Variants in THEMIS observed in about 807,000 individuals in gnomAD.
THEMIS encodes thymocyte selection associated.
Under a neutral mutation model 52.6 loss-of-function variants are expected in THEMIS, and 37 were observed. That is an observed-to-expected ratio of 0.70 (90% CI 0.54 to 0.93). The LOEUF (loss-of-function observed/expected upper bound fraction) is 0.93. Ranked by LOEUF, THEMIS falls within the 40% of genes least tolerant of loss-of-function variation. THEMIS has a pLI of 0.00. For missense variants in THEMIS, 808 were observed against 763.1 expected, an observed-to-expected ratio of 1.06 and a Z score of -0.69; for synonymous variants, 292 against 272.7, an observed-to-expected ratio of 1.07 and a Z score of -0.70.
chr6:127,718,044 T>A (rs1046762205), intron 5 of THEMIS, among the ~76,000 whole-genome samples: 1 of 151,474 alleles, frequency 6.6e-6, no homozygotes, highest in Non-Finnish European at 1.5e-5. Context: ...CCAGTGAGTC[T>A]TTTTTTTGGA....
At chr6:127,849,892 C>T (rs1238054224) in intron 2 of THEMIS, among the ~76,000 whole-genome samples, 2 of 151,922 alleles carry the variant, frequency 1.3e-5, no homozygotes, top group African/African-American at 4.8e-5. Context: ...TAAATGGGAC[C>T]TAATTAAACT....
intron 4 of THEMIS, among the ~76,000 whole-genome samples, chr6:127,792,882 C>A (rs1194927547): frequency 6.6e-6 from 1 of 152,190 alleles, no homozygotes; most frequent in Non-Finnish European, 1.5e-5. Flanking sequence ...TGAACAGGTA[C>A]ACTTTTTCCC....
chr6:127,760,364 G>A (rs1775981073), intron 4 of THEMIS, among the ~76,000 whole-genome samples: 1 of 151,890 alleles, frequency 6.6e-6, no homozygotes. Context: ...GACTATTCAT[G>A]GCCTTCATGG....
chr6:127,916,830 C>T (rs947379514), intron 1 of THEMIS, among the ~76,000 whole-genome samples: 4 of 152,130 alleles, frequency 2.6e-5, no homozygotes, highest in East Asian at 1.9e-4. Context: ...GAATTATTTC[C>T]GATTGCTTTG....
chr6:127,748,419 A>G (rs1365053970), intron 4 of THEMIS, among the ~76,000 whole-genome samples: 2 of 152,054 alleles, frequency 1.3e-5, no homozygotes, highest in Admixed American at 6.6e-5. Flanking sequence ...ACTTTATAAC[A>G]ATCCACTCTC....
In THEMIS at chr6:127,818,979, G is replaced by A. The variant is rs145011149; in HGVS notation, c.710-5048C>T. Among the ~76,000 whole-genome samples, 350 of 151,534 alleles carry A rather than the reference G, an allele frequency of 2.3e-3. 2 individuals carry two copies. The highest frequency in any genetic ancestry group is 2.3e-3 in the South Asian group (11 of 4,788). ...ATAAAAATACAAAAATTAGCCAGGC[G>A]CATGGTGGCATGCACCCGTAGTCCC... is the stretch of plus-strand genomic sequence containing the variant. On this transcript the variant is annotated intron_variant, in intron 3 of 5. Transcript: ENST00000368248.
intron 5 of THEMIS, among the ~76,000 whole-genome samples, chr6:127,713,269 T>G (rs914930973): frequency 6.6e-6 from 1 of 151,940 alleles, no homozygotes; most frequent in African/African-American, 2.4e-5. Flanking sequence ...TCATTTGAAG[T>G]GATTAAGTGA....
At chr6:127,834,485 G>A (rs1778809812) in intron 2 of THEMIS, among the ~76,000 whole-genome samples, 1 of 151,420 alleles carries the variant, frequency 6.6e-6, no homozygotes, top group Non-Finnish European at 1.5e-5. Context: ...TAAGAAGGCT[G>A]AGGTAGGAGA....
intron 3 of THEMIS, among the ~76,000 whole-genome samples, chr6:127,817,346 T>A (rs1402283495): frequency 3.9e-5 from 6 of 152,068 alleles, no homozygotes; most frequent in Admixed American, 3.3e-4. Flanking sequence ...GAAAAAAAAG[T>A]TTTCTATGTT....
intron 5 of THEMIS, among the ~76,000 whole-genome samples, chr6:127,716,298 A>G (rs1774157099): frequency 6.6e-6 from 1 of 151,910 alleles, no homozygotes; most frequent in Non-Finnish European, 1.5e-5. Context: ...TTAGCCAGGA[A>G]GATAACCGGA....
chr6:127,846,306 A>G (rs1189988072), intron 2 of THEMIS, among the ~76,000 whole-genome samples: 1 of 151,984 alleles, frequency 6.6e-6, no homozygotes, highest in Non-Finnish European at 1.5e-5. Flanking sequence ...TCAAACAAAA[A>G]TTATGAGAAG....
At chr6:127,781,134 A>G (rs986532678) in intron 4 of THEMIS, among the ~76,000 whole-genome samples, 4 of 151,450 alleles carry the variant, frequency 2.6e-5, no homozygotes, top group Non-Finnish European at 4.4e-5. Context: ...AGCTTATTTC[A>G]TTAAGTTAAT....
intron 2 of THEMIS, among the ~76,000 whole-genome samples, chr6:127,836,940 C>T (rs1778892048): frequency 6.6e-6 from 1 of 152,144 alleles, no homozygotes; most frequent in Admixed American, 6.6e-5. Flanking sequence ...GTGCAAGTAA[C>T]TCCTATGGAA....
chr6:127,915,594 G>A (rs1781507113), intron 1 of THEMIS, among the ~76,000 whole-genome samples: 1 of 149,352 alleles, frequency 6.7e-6, no homozygotes, highest in African/African-American at 2.4e-5. Context: ...GAAAGAGAGA[G>A]AGAGAGAGAG....
intron 4 of THEMIS, among the ~76,000 whole-genome samples, chr6:127,752,705 G>A (rs928238699): frequency 6.6e-6 from 1 of 151,606 alleles, no homozygotes. Context: ...ACAAAGAAAT[G>A]TCTAGGACCT....
intron 4 of THEMIS, among the ~76,000 whole-genome samples, chr6:127,766,016 G>A (rs537358412): frequency 6.6e-6 from 1 of 152,120 alleles, no homozygotes; most frequent in South Asian, 2.1e-4. Context: ...TTTATTGAGT[G>A]GCTAGTGGCT....
chr6:127,781,587 C>T (rs1227317603), intron 4 of THEMIS, among the ~76,000 whole-genome samples: 2 of 152,056 alleles, frequency 1.3e-5, no homozygotes, highest in Non-Finnish European at 2.9e-5. Flanking sequence ...GTCTGGACAT[C>T]CTTTTTCTTG....
chr6:127,907,222 G>A (rs1781293234), intron 1 of THEMIS, among the ~76,000 whole-genome samples: 1 of 151,430 alleles, frequency 6.6e-6, no homozygotes, highest in Non-Finnish European at 1.5e-5. Flanking sequence ...TGTGATTTTG[G>A]ATTAACCAAA....
the THEMIS span, among the ~76,000 whole-genome samples, chr6:127,702,394 G>A: frequency 6.6e-6 from 1 of 152,026 alleles, no homozygotes; most frequent in Non-Finnish European, 1.5e-5. Flanking sequence ...TCCTGGAAAG[G>A]TCTCAGACAT....
Sources: gnomAD v4.1 joint callset for allele counts (sites outside exome capture counted in the v4.1 genomes callset) on GRCh38, gnomAD v4.1.1 for gene constraint, MANE v1.5 for transcripts, NCBI Gene and HGNC (gene_info 2026-07-23, HGNC 2026-07-21) for gene names.